The following PLXDC2 variants were observed in gnomAD, a reference collection of about 807,000 sequenced individuals.
PLXDC2 encodes the protein plexin domain containing 2, also known as plexin domain-containing protein 2.
A neutral mutation model predicts 68.9 loss-of-function variants in PLXDC2; 40 were observed. The observed-to-expected ratio is 0.58, with a 90% CI of 0.45 to 0.76. The LOEUF (loss-of-function observed/expected upper bound fraction) is 0.76, where lower values mean the gene tolerates loss of function less well. PLXDC2 is among the 30% of genes least tolerant of loss of function. The pLI is 0.00. For missense variants in PLXDC2, 644 were observed against 661.9 expected (o/e 0.97, Z 0.30); for synonymous variants, 243 against 234.2 (o/e 1.04, Z -0.34).
At chr10:20,141,605 T>C (rs1477557450) in intron 4 of PLXDC2, among the ~76,000 whole-genome samples, 1 of 152,012 alleles carries the variant, frequency 6.6e-6, no homozygotes, top group Admixed American at 6.6e-5. Flanking sequence ...ATTTTTGTAT[T>C]CATTCTAATG....
intron 1 of PLXDC2, among the ~76,000 whole-genome samples, chr10:19,991,086 A>G (rs932773666): frequency 1.3e-5 from 2 of 152,080 alleles, no homozygotes; most frequent in African/African-American, 4.8e-5. Context: ...ATCTCCACTA[A>G]AAATACAAAA....
chr10:19,985,263 A>T (rs1834616505), intron 1 of PLXDC2, among the ~76,000 whole-genome samples: 1 of 152,100 alleles, frequency 6.6e-6, no homozygotes, highest in Non-Finnish European at 1.5e-5. Context: ...CCTGTCTTTG[A>T]TTTTATTTGT....
At chr10:20,194,136 G>GTAA (rs1834805278) in intron 9 of PLXDC2, among the ~76,000 whole-genome samples, 1 of 150,114 alleles carries the variant, frequency 6.7e-6, no homozygotes, top group Non-Finnish European at 1.5e-5. Flanking sequence ...ATATATATAT[G>GTAA]TAATTTTTAA....
intron 13 of PLXDC2, among the ~76,000 whole-genome samples, chr10:20,266,569 C>T (rs1018319455): frequency 1.3e-5 from 2 of 152,030 alleles, no homozygotes; most frequent in Non-Finnish European, 2.9e-5. Context: ...TAGTATATGT[C>T]TATTTATTAA....
rs1189333856 is a variant in PLXDC2 at position 20,257,065 on chromosome 10, T to C, written c.1473+11560T>C. On this transcript the variant is annotated intron_variant, in intron 13 of 13. Coordinates refer to ENST00000377252, the MANE Select transcript of PLXDC2 (RefSeq NM_032812.9). ...AGGTAGGTGACTTGTGCTGGATGGA[T>C]CTGAGGAAGGGACGCAAGGATCTCT... Among the ~76,000 whole-genome samples the C allele has an allele frequency of 2.6e-5, 4 of 152,074 alleles. No homozygotes were observed. The East Asian group carries it at 7.7e-4, about 29-fold the overall frequency.
In PLXDC2 at chr10:20,144,189, T is replaced by A. The variant is rs116492334; in HGVS notation, c.664+772T>A. ...AAATATAGAATTTTCTGTGTATTTA[T>A]CATTCAAAAATGATATTTATTTGTT... On this transcript the variant is annotated intron_variant, in intron 5 of 13. Transcript: ENST00000377252. 4.3e-3 allele frequency among the ~76,000 whole-genome samples: 651 copies of A among 152,276 alleles called. 3 individuals carry two copies. The highest frequency in any genetic ancestry group is 0.015 in the African/African-American group (612 of 41,568).
intron 12 of PLXDC2, among the ~76,000 whole-genome samples, chr10:20,225,008 G>A (rs1232312484): frequency 6.6e-6 from 1 of 152,118 alleles, no homozygotes; most frequent in Admixed American, 6.6e-5. Context: ...AAGTTGATAT[G>A]TTAAGCAGTT....
At chr10:19,889,116 A>G (rs1837901536) in intron 1 of PLXDC2, among the ~76,000 whole-genome samples, 1 of 152,114 alleles carries the variant, frequency 6.6e-6, no homozygotes, top group African/African-American at 2.4e-5. Context: ...TTTGTTGGAA[A>G]GATCATCCAG....
intron 4 of PLXDC2, among the ~76,000 whole-genome samples, chr10:20,127,685 G>C (rs1437874502): frequency 6.6e-6 from 1 of 152,036 alleles, no homozygotes; most frequent in African/African-American, 2.4e-5. Flanking sequence ...TAATTTTTAA[G>C]TCCTTAGAAA....
chr10:20,189,356 G>A (rs184438125), intron 9 of PLXDC2, among the ~76,000 whole-genome samples: 9 of 149,924 alleles, frequency 6.0e-5, no homozygotes, highest in East Asian at 5.9e-4. Flanking sequence ...AGAGAAATAC[G>A]TATTACCATT....
chr10:20,112,269 T>C (rs963216244), intron 4 of PLXDC2, among the ~76,000 whole-genome samples: 6 of 151,814 alleles, frequency 4.0e-5, no homozygotes, highest in African/African-American at 1.5e-4. Flanking sequence ...AGATAGCAAT[T>C]GAATTATATT....
intron 4 of PLXDC2, 124 bp from the exon 5 acceptor site, chr10:20,143,170 CT>C (rs1450817482): frequency 4.7e-5 from 48 of 1,011,764 alleles, no homozygotes; most frequent in East Asian, 7.9e-5. Flanking sequence ...AAATATGTTC[CT>C]TTTTTTCCAG....
At chr10:20,215,483 T>TAGAAGA in intron 10 of PLXDC2, among the ~76,000 whole-genome samples, 1 of 152,092 alleles carries the variant, frequency 6.6e-6, no homozygotes, top group Non-Finnish European at 1.5e-5. Flanking sequence ...GTCCCTCTTC[T>TAGAAGA]GGGACTGCCT....
chr10:19,890,758 ATAATTATT>A (rs1464404455), intron 1 of PLXDC2, among the ~76,000 whole-genome samples: 8 of 149,894 alleles, frequency 5.3e-5, no homozygotes, highest in African/African-American at 1.7e-4. Flanking sequence ...TGTACATAGA[ATAATTATT>A]TAATTATTTA....
At chr10:19,913,561 T>C (rs1413325687) in intron 1 of PLXDC2, among the ~76,000 whole-genome samples, 1 of 152,216 alleles carries the variant, frequency 6.6e-6, no homozygotes, top group Non-Finnish European at 1.5e-5. Flanking sequence ...ATTATTCGTT[T>C]AGTAACTCAT....
chr10:19,859,380 C>G (rs1247012770), intron 1 of PLXDC2, among the ~76,000 whole-genome samples: 1 of 152,210 alleles, frequency 6.6e-6, no homozygotes, highest in Non-Finnish European at 1.5e-5. Context: ...GCTTTACATC[C>G]TTTCCTTGCT....
At chr10:20,147,741 T>G (rs1441822803) in intron 5 of PLXDC2, 43 bp from the exon 6 acceptor site, 12 of 1,234,552 alleles carry the variant, frequency 9.7e-6, no homozygotes, top group African/African-American at 1.5e-5. Context: ...TTGATTGGTA[T>G]GTTTTTCTCA....
chr10:19,960,738 T>G (rs1564639944), intron 1 of PLXDC2, among the ~76,000 whole-genome samples: 1 of 148,118 alleles, frequency 6.8e-6, no homozygotes, highest in South Asian at 2.1e-4. Context: ...CCTGATTACA[T>G]ATTTTTTTCC....
intron 1 of PLXDC2, among the ~76,000 whole-genome samples, chr10:19,993,120 T>A (rs75968729): frequency 0.037 from 5,637 of 152,260 alleles, 349 homozygotes; most frequent in African/African-American, 0.12. Context: ...ATGAGGGTTA[T>A]TGTTATTATT....
Sources: allele counts gnomAD v4.1 joint callset (sites outside exome capture counted in the v4.1 genomes callset), GRCh38; gene constraint gnomAD v4.1.1; transcripts MANE v1.5; gene names NCBI Gene and HGNC (gene_info 2026-07-23, HGNC 2026-07-21).